Variants in SPSB1 observed in about 807,000 individuals in gnomAD.
SPSB1 encodes splA/ryanodine receptor domain and SOCS box containing 1.
In SPSB1, 8 loss-of-function variants were observed where a neutral mutation model predicts 21.2. The observed-to-expected ratio is 0.38, with a 90% confidence interval of 0.22 to 0.68. SPSB1 has a LOEUF of 0.68. Ranked by LOEUF, SPSB1 falls within the 30% of genes least tolerant of loss-of-function variation. The pLI, the probability that SPSB1 is intolerant of heterozygous loss-of-function variation, is 0.53. For missense variants in SPSB1, 242 were observed against 377.8 expected, an observed-to-expected ratio of 0.64 and a Z score of 2.98; for synonymous variants, 169 against 161.7, an observed-to-expected ratio of 1.05 and a Z score of -0.34.
In SPSB1 at chr1:9,293,549, G is replaced by T. The variant is rs915211925; in HGVS notation, c.-150+478G>T. On this transcript the variant is annotated intron_variant, in intron 1 of 2. Transcript: ENST00000328089. The surrounding 1 kb of genome is among the most constrained non-coding windows in gnomAD (Gnocchi z 5.1). ...GCGGCGCGGCCCGGTCCCCCGTCGG[G>T]GCGCCCCCACCCTCCCGCAGCGCCT... Among the ~76,000 whole-genome samples the T allele has an allele frequency of 6.6e-6, 1 of 152,038 alleles. No homozygotes were observed. Among genetic ancestry groups the T allele is most frequent in the Non-Finnish European group, 1.5e-5 (1 of 67,974 alleles).
chr1:9,367,791 G>A lies in SPSB1; in HGVS notation c.*216G>A, dbSNP rs2100526731. The stretch of plus-strand genomic sequence containing the variant: ...CCCTTCCCGACATCAGCAGAAGGCA[G>A]CATCCCTGCATGCCGTCCGTATACA... On this transcript the variant is annotated 3_prime_UTR_variant, in exon 3 of 3. Coordinates refer to ENST00000328089, the MANE Select transcript of SPSB1 (RefSeq NM_025106.4). This position sits in a 1 kb window ranked among gnomAD's most constrained non-coding sequence, Gnocchi z 5.9. 1 of 657,384 alleles carries A rather than the reference G, an allele frequency of 1.5e-6. No individual in the cohort carries two copies. The highest frequency in any genetic ancestry group is 2.5e-6 in the Non-Finnish European group (1 of 393,698). The allele number at this position is 657,384 out of a possible 1,614,324, so 40.7% of individuals were successfully genotyped here.
At position 9,324,499 on chromosome 1, in the gene SPSB1, G is replaced by A. The variant is rs1017538156; in HGVS notation, c.-149-31244G>A. Among the ~76,000 whole-genome samples the A allele has an allele frequency of 4.5e-5, 5 of 111,444 alleles. No homozygotes were observed. The highest frequency in any genetic ancestry group is 1.4e-4 in the African/African-American group (5 of 36,652). The allele number at this position is 111,444 out of a possible 152,430, so 73.1% of individuals were successfully genotyped here. A position where few individuals can be genotyped will look rare whatever the true frequency, so the allele number is the denominator to read the frequency against. ...TGCCCAGCCTCTGGAGGGTCGGCTC[G>A]GAGGGCTGTGGGCCCGGGACTCGGT... On this transcript the variant is annotated intron_variant, in intron 1 of 2. Transcript: ENST00000328089. This position sits in a 1 kb window ranked among gnomAD's most constrained non-coding sequence, Gnocchi z 4.3.
At chr1:9,342,722 C>A (rs112664811) in intron 1 of SPSB1, among the ~76,000 whole-genome samples, 1 of 152,212 alleles carries the variant, frequency 6.6e-6, no homozygotes, top group African/African-American at 2.4e-5. Flanking sequence ...AGGCACACAT[C>A]CCGGACTCCT....
intron 1 of SPSB1, among the ~76,000 whole-genome samples, chr1:9,334,698 C>T (rs1639977105): frequency 6.6e-6 from 1 of 152,130 alleles, no homozygotes; most frequent in Admixed American, 6.5e-5. Flanking sequence ...GCACTGACCC[C>T]CCATTCCTGC....
At chr1:9,362,067 C>T (rs1181587598) in intron 2 of SPSB1, among the ~76,000 whole-genome samples, 1 of 152,206 alleles carries the variant, frequency 6.6e-6, no homozygotes, top group African/African-American at 2.4e-5. Context: ...GTCAGCTCGT[C>T]TCCTCAAGAT....
chr1:9,332,983 G>A (rs766124759), intron 1 of SPSB1, among the ~76,000 whole-genome samples: 2 of 152,226 alleles, frequency 1.3e-5, no homozygotes, highest in Non-Finnish European at 2.9e-5. Flanking sequence ...TGGGCTCCGT[G>A]GCTGAGACTT....
rs775332970 is a variant in SPSB1 at position 9,305,437 on chromosome 1, G to T, written c.-150+12366G>T. Among the ~76,000 whole-genome samples the T allele has an allele frequency of 3.3e-5, 5 of 152,238 alleles. No homozygotes were observed. The highest frequency in any genetic ancestry group is 7.3e-5 in the Non-Finnish European group (5 of 68,038). ...GCTCCAGGAGGGCAGGACCCGGCCG[G>T]CCACATGGCTGTTGTTCACGGCTGA... is the stretch of plus-strand genomic sequence containing the variant. On this transcript the variant is annotated intron_variant, in intron 1 of 2. Coordinates refer to ENST00000328089, the MANE Select transcript of SPSB1 (RefSeq NM_025106.4). This position sits in a 1 kb window ranked among gnomAD's most constrained non-coding sequence, Gnocchi z 4.8.
Position 9,338,213 on chromosome 1 carries a change from T to A in SPSB1, c.-149-17530T>A, listed in dbSNP as rs560173967. On this transcript the variant is annotated intron_variant, in intron 1 of 2. Coordinates refer to ENST00000328089, the MANE Select transcript of SPSB1 (RefSeq NM_025106.4). Reference sequence around the variant, plus strand: ...GCCACTCAGCTCTCCCCTACCCCGTTTCTTCAGGCTTCTGCTCATGGAGAC... The same window carrying A: ...GCCACTCAGCTCTCCCCTACCCCGTATCTTCAGGCTTCTGCTCATGGAGAC... Among the ~76,000 whole-genome samples the A allele has an allele frequency of 1.9e-3, 282 of 152,288 alleles. 2 individuals are homozygous for A. The highest frequency in any genetic ancestry group is 6.3e-3 in the African/African-American group (261 of 41,568).
Position 9,293,001 on chromosome 1 carries a change from GCGGGCGCGGCC to G in SPSB1, c.-212_-202del, listed in dbSNP as rs1260923722. 1.8e-5 allele frequency: 18 copies of G among 982,670 alleles called. No homozygotes were observed. In the East Asian group the frequency reaches 1.9e-3, roughly 106 times the overall value. The allele number at this position is 982,670 out of a possible 1,614,324, so 60.9% of individuals were successfully genotyped here. ...GGAGGAGGCGACTTCGCTCCCTGCG[GCGGGCGCGGCC>G]CGGGCGCCCGAGCCTCCTCGGCCTT... is the stretch of plus-strand genomic sequence containing the variant. On this transcript the variant is annotated 5_prime_UTR_variant, in exon 1 of 3. Transcript: ENST00000328089. This position sits in a 1 kb window ranked among gnomAD's most constrained non-coding sequence, Gnocchi z 5.1.
intron 1 of SPSB1, among the ~76,000 whole-genome samples, chr1:9,337,683 A>G (rs941564414): frequency 6.6e-6 from 1 of 152,112 alleles, no homozygotes; most frequent in African/African-American, 2.4e-5. Context: ...CACCCTCCTG[A>G]TGGGGACTCC....
At chr1:9,327,095 T>G (rs542233520) in intron 1 of SPSB1, among the ~76,000 whole-genome samples, 119 of 152,234 alleles carry the variant, frequency 7.8e-4, no homozygotes, top group African/African-American at 2.6e-3. Context: ...TGCCGTCGTT[T>G]CGTGGGGAAG....
intron 1 of SPSB1, among the ~76,000 whole-genome samples, chr1:9,307,029 G>A (rs946525845): frequency 1.1e-4 from 17 of 151,510 alleles, no homozygotes; most frequent in South Asian, 8.3e-4. Flanking sequence ...CCAGGTTCCA[G>A]TGATTCTCCC....
intron 1 of SPSB1, among the ~76,000 whole-genome samples, chr1:9,323,495 T>C (rs1370642314): frequency 1.3e-5 from 2 of 152,146 alleles, no homozygotes; most frequent in Non-Finnish European, 2.9e-5. Context: ...AGGTCAGAAG[T>C]CAGTGGTGGA....
chr1:9,311,160 GTTTT>G (rs34507567), intron 1 of SPSB1, among the ~76,000 whole-genome samples: 3 of 133,532 alleles, frequency 2.2e-5, no homozygotes, highest in African/African-American at 2.8e-5. Context: ...AGGATAAAGG[GTTTT>G]TTTTTTTTTT....
At chr1:9,358,875 G>A (rs1449133997) in intron 2 of SPSB1, among the ~76,000 whole-genome samples, 1 of 152,168 alleles carries the variant, frequency 6.6e-6, no homozygotes, top group African/African-American at 2.4e-5. Flanking sequence ...GAGCCTATTT[G>A]AACAGAGGGT....
Position 9,367,929 on chromosome 1 carries a change from G to T in SPSB1, c.*354G>T. 4.7e-6 allele frequency: 1 copy of T among 214,820 alleles called. No individual in the cohort carries two copies. The highest frequency in any genetic ancestry group is 9.4e-6 in the Non-Finnish European group (1 of 106,292). 13.3% of individuals were successfully genotyped at this position (214,820 alleles called of 1,614,324 possible). A position where few individuals can be genotyped will look rare whatever the true frequency, so the allele number is the denominator to read the frequency against. On this transcript the variant is annotated 3_prime_UTR_variant, in exon 3 of 3. Transcript: ENST00000328089. The surrounding 1 kb of genome is among the most constrained non-coding windows in gnomAD (Gnocchi z 5.9). ...CCCACACCTCTGGGAGAAGGCTGCA[G>T]CCACCTGGGGGTCCCAGGGTGGTGG...
chr1:9,312,135 G>A lies in SPSB1; in HGVS notation c.-150+19064G>A, dbSNP rs922491760. On this transcript the variant is annotated intron_variant, in intron 1 of 2. Coordinates refer to ENST00000328089, the MANE Select transcript of SPSB1 (RefSeq NM_025106.4). ...TGGGACCACAGACACATGCCACCAC[G>A]CTTGGCTAATTTTTATTTTATTTTA... Among the ~76,000 whole-genome samples, 13 of 151,874 alleles carry A rather than the reference G, an allele frequency of 8.6e-5. 1 individual carries two copies. Among genetic ancestry groups the A allele is most frequent in the Admixed American group, 5.2e-4 (8 of 15,248 alleles).
intron 1 of SPSB1, among the ~76,000 whole-genome samples, chr1:9,297,451 C>G (rs997253276): frequency 2.6e-5 from 4 of 151,916 alleles, no homozygotes; most frequent in African/African-American, 4.8e-5. Context: ...CTGGTCACAC[C>G]CTTTCCAAGG....
At chr1:9,308,633 G>A (rs1287716721) in intron 1 of SPSB1, among the ~76,000 whole-genome samples, 3 of 152,240 alleles carry the variant, frequency 2.0e-5, no homozygotes, top group Non-Finnish European at 4.4e-5. Flanking sequence ...TGTGTGCCAT[G>A]AGCCAGGCGC....
Sources: allele counts gnomAD v4.1 joint callset (sites outside exome capture counted in the v4.1 genomes callset), GRCh38; gene constraint gnomAD v4.1.1; non-coding constraint Gnocchi (gnomAD v3.1); transcripts MANE v1.5; gene names NCBI Gene and HGNC (gene_info 2026-07-23, HGNC 2026-07-21).